The following LMX1A variants were observed in gnomAD, a reference collection of about 807,000 sequenced individuals.
LMX1A encodes LIM homeobox transcription factor 1 alpha, also known as LIM homeobox transcription factor 1-alpha.
A neutral mutation model predicts 49.1 loss-of-function variants in LMX1A; 15 were observed. The observed-to-expected ratio is 0.31, with a 90% CI of 0.20 to 0.47. LMX1A has a LOEUF of 0.47. Among genes scored for constraint, LMX1A ranks in the 20% least tolerant of loss-of-function variants. LMX1A has a pLI of 1.00. For missense variants in LMX1A, 372 were observed against 475.8 expected (o/e 0.78, Z 2.03); for synonymous variants, 167 against 185.7 (o/e 0.90, Z 0.82).
chr1:165,203,824 T>C lies in LMX1A; in HGVS notation c.*56A>G. 2 of 1,576,730 alleles carry C rather than the reference T, an allele frequency of 1.3e-6. No individual in the cohort carries two copies. The highest frequency in any genetic ancestry group is 1.1e-5 in the South Asian group (1 of 89,030). ...TCCCTGTCCTAAAGCCAGTGACCCC[T>C]CAAAGAATATGGTTGTTCCATATGG... is the stretch of plus-strand genomic sequence containing the variant. On this transcript the variant is annotated 3_prime_UTR_variant, in exon 9 of 9. Transcript: ENST00000342310.
intron 3 of LMX1A, among the ~76,000 whole-genome samples, chr1:165,281,619 A>T (rs1298767560): frequency 6.6e-6 from 1 of 152,236 alleles, no homozygotes; most frequent in African/African-American, 2.4e-5. Flanking sequence ...AGCAGGCTTT[A>T]TGAATGATGG....
At chr1:165,269,964 G>T (rs1364028195) in intron 3 of LMX1A, among the ~76,000 whole-genome samples, 1 of 152,132 alleles carries the variant, frequency 6.6e-6, no homozygotes, top group Non-Finnish European at 1.5e-5. Context: ...TGGGTGATAG[G>T]TTGATAGGTG....
Position 165,240,620 on chromosome 1 carries a change from C to T in LMX1A, c.496+8788G>A, listed in dbSNP as rs577751875. 5.3e-5 allele frequency among the ~76,000 whole-genome samples: 8 copies of T among 152,200 alleles called. No homozygotes were observed. In the South Asian group the frequency reaches 8.3e-4, roughly 16 times the overall value. On this transcript the variant is annotated intron_variant, in intron 4 of 8. Coordinates refer to ENST00000342310, the MANE Select transcript of LMX1A (RefSeq NM_177398.4). ...TTGAATTAAAGGTTGGTCAGGTGGC[C>T]GCCTGGAAGGACATAAATAGATTAT...
chr1:165,227,104 G>A (rs1460428533), intron 4 of LMX1A, among the ~76,000 whole-genome samples: 3 of 152,182 alleles, frequency 2.0e-5, no homozygotes, highest in Non-Finnish European at 4.4e-5. Flanking sequence ...CTTACAGAAA[G>A]AGAATGGATT....
chr1:165,220,095 T>C (rs1651784420), intron 4 of LMX1A, among the ~76,000 whole-genome samples: 1 of 152,128 alleles, frequency 6.6e-6, no homozygotes, highest in Non-Finnish European at 1.5e-5. Context: ...GCTTCTCAAA[T>C]ATGAATGTTC....
chr1:165,289,155 G>A (rs1300607245), intron 3 of LMX1A, among the ~76,000 whole-genome samples: 1 of 152,082 alleles, frequency 6.6e-6, no homozygotes, highest in Admixed American at 6.5e-5. Flanking sequence ...GAGTTGGGAG[G>A]GGGTAAGGGT....
At chr1:165,329,819 TCAAA>T (rs1426845132) in intron 3 of LMX1A, among the ~76,000 whole-genome samples, 1 of 152,166 alleles carries the variant, frequency 6.6e-6, no homozygotes, top group Admixed American at 6.5e-5. Flanking sequence ...TTATAGCACA[TCAAA>T]CAATCAAAAA....
chr1:165,299,246 G>A (rs1654707632), intron 3 of LMX1A, among the ~76,000 whole-genome samples: 1 of 152,212 alleles, frequency 6.6e-6, no homozygotes, highest in South Asian at 2.1e-4. Context: ...ATGTTTGAGA[G>A]TAAAATGAAA....
At chr1:165,214,560 G>A (rs901603502) in intron 4 of LMX1A, among the ~76,000 whole-genome samples, 2 of 152,248 alleles carry the variant, frequency 1.3e-5, no homozygotes, top group Non-Finnish European at 2.9e-5. Context: ...GTACGGCACT[G>A]AGTGCCCTAA....
chr1:165,214,530 G>T (rs1651569107), intron 4 of LMX1A, among the ~76,000 whole-genome samples: 3 of 152,210 alleles, frequency 2.0e-5, no homozygotes, highest in Non-Finnish European at 1.5e-5. Context: ...TTGCTGTGAG[G>T]ATTAAATGAG....
intron 3 of LMX1A, among the ~76,000 whole-genome samples, chr1:165,291,696 A>AT (rs1277950333): frequency 6.6e-5 from 10 of 152,172 alleles, no homozygotes; most frequent in African/African-American, 2.4e-4. Context: ...GCACAGAAAA[A>AT]TTTTAAATTA....
In LMX1A at chr1:165,249,275, A is replaced by T. The variant is rs1412440906; in HGVS notation, c.496+133T>A. 4 of 629,074 alleles carry T rather than the reference A, an allele frequency of 6.4e-6. No homozygotes were observed. The African/African-American group carries it at 7.3e-5, about 12-fold the overall frequency. The allele number at this position is 629,074 out of a possible 1,614,324, so 39.0% of individuals were successfully genotyped here. A position where few individuals can be genotyped will look rare whatever the true frequency, so the allele number is the denominator to read the frequency against. Reference sequence around the variant, plus strand: ...CTGAGCTTACAAAGAAAGTTCCTGAAATACACAGAACTGCCTTGCCATGGA... The same window carrying T: ...CTGAGCTTACAAAGAAAGTTCCTGATATACACAGAACTGCCTTGCCATGGA... On this transcript the variant is annotated intron_variant, in intron 4 of 8. Coordinates refer to ENST00000342310, the MANE Select transcript of LMX1A (RefSeq NM_177398.4).
chr1:165,207,899 T>C (rs1381272820), intron 7 of LMX1A, among the ~76,000 whole-genome samples, 164 bp downstream of exon 7: 1 of 152,190 alleles, frequency 6.6e-6, no homozygotes, highest in African/African-American at 2.4e-5. Flanking sequence ...TCTCACAAGT[T>C]CCTCGTGGCT....
intron 7 of LMX1A, chr1:165,207,387 C>A (rs1032940493): frequency 1.3e-5 from 2 of 152,148 alleles, no homozygotes; most frequent in Admixed American, 1.3e-4. Context: ...CCTCATATCA[C>A]CCTGACTTTT....
At chr1:165,322,744 T>C (rs985683058) in intron 3 of LMX1A, among the ~76,000 whole-genome samples, 69 of 152,168 alleles carry the variant, frequency 4.5e-4, no homozygotes, top group African/African-American at 1.6e-3. Flanking sequence ...AATTAGATAA[T>C]GGTTGCACAA....
intron 3 of LMX1A, among the ~76,000 whole-genome samples, chr1:165,329,663 A>C (rs1210415131): frequency 6.8e-6 from 1 of 147,234 alleles, no homozygotes; most frequent in African/African-American, 2.5e-5. Context: ...GATATGGGTG[A>C]ATAAGAGGTT....
chr1:165,266,429 G>A (rs1316202359), intron 3 of LMX1A, among the ~76,000 whole-genome samples: 3 of 152,108 alleles, frequency 2.0e-5, no homozygotes, highest in Non-Finnish European at 4.4e-5. Context: ...AAAAGAAAGA[G>A]AGGTAAGAGC....
intron 3 of LMX1A, 86 bp downstream of exon 3, chr1:165,352,990 A>G (rs2101774795): frequency 5.7e-6 from 8 of 1,391,410 alleles, no homozygotes; most frequent in Non-Finnish European, 8.0e-6. Flanking sequence ...GGCCTTCCAG[A>G]AAAGGACTAG....
intron 3 of LMX1A, among the ~76,000 whole-genome samples, chr1:165,338,039 T>C (rs1229444596): frequency 1.3e-5 from 2 of 152,116 alleles, no homozygotes; most frequent in Admixed American, 6.6e-5. Context: ...TCTTTTTCCA[T>C]TAGCATCTCT....
Sources: gnomAD v4.1 joint callset for allele counts (sites outside exome capture counted in the v4.1 genomes callset) on GRCh38, gnomAD v4.1.1 for gene constraint, MANE v1.5 for transcripts, NCBI Gene and HGNC (gene_info 2026-07-23, HGNC 2026-07-21) for gene names.